The following FSTL4 variants were observed in gnomAD, a reference collection of about 807,000 sequenced individuals.
The protein encoded by FSTL4 is follistatin like 4, also known as follistatin-related protein 4.
FSTL4 carries 28 observed loss-of-function variants against 78.2 expected under a neutral mutation model. The observed-to-expected ratio is 0.36, with a 90% CI of 0.27 to 0.49. FSTL4 has a LOEUF of 0.49. Among genes scored for constraint, FSTL4 ranks in the 20% least tolerant of loss-of-function variants. FSTL4 has a pLI of 0.98. For missense variants in FSTL4, 922 were observed against 1,084.9 expected (o/e 0.85, Z 2.11); for synonymous variants, 422 against 440.5 (o/e 0.96, Z 0.53).
chr5:133,789,204 C>T, the FSTL4 span, among the ~76,000 whole-genome samples: 1 of 152,124 alleles, frequency 6.6e-6, no homozygotes, highest in Non-Finnish European at 1.5e-5. Context: ...GAAGGTTGGC[C>T]ATGTTACCAA....
chr5:133,328,893 C>T (rs182707174), intron 4 of FSTL4, among the ~76,000 whole-genome samples: 237 of 152,276 alleles, frequency 1.6e-3, no homozygotes, highest in African/African-American at 5.3e-3. Context: ...GGGAAAAGGC[C>T]GGCTGTGGAG....
chr5:133,462,746 T>C (rs183613765), intron 3 of FSTL4, among the ~76,000 whole-genome samples: 74 of 152,240 alleles, frequency 4.9e-4, no homozygotes, highest in African/African-American at 1.7e-3. Flanking sequence ...CGAAGGATGA[T>C]AGAGTGGAAG....
Position 133,400,897 on chromosome 5 carries a change from C to T in FSTL4, c.250G>A (p.Glu84Lys), listed in dbSNP as rs1341669590. ...GCCTCCAGGCACTGGCATTCGGGCT[C>T]CCCTGTCTTCCTGCTGAGCACGCAC... The part of the protein sequence containing the change: ...SRCVLSRKTG[E>K]PECQCLEACR... The change falls in exon 4 of 16, where the codon GAG (glutamate) becomes AAG (lysine). Residue 84 changes from glutamate (E) to lysine (K), a missense_variant. Physicochemically the swap from Glu to Lys is moderately conservative, Grantham distance 56. Coordinates refer to ENST00000265342, the MANE Select transcript of FSTL4 (RefSeq NM_015082.2). The T allele has an allele frequency of 3.1e-6, 5 of 1,613,844 alleles. No individual in the cohort carries two copies. The highest frequency in any genetic ancestry group is 4.2e-6 in the Non-Finnish European group (5 of 1,180,028).
At chr5:133,801,791 C>T in the FSTL4 span, among the ~76,000 whole-genome samples, 1 of 152,238 alleles carries the variant, frequency 6.6e-6, no homozygotes, top group African/African-American at 2.4e-5. Flanking sequence ...CCACTGAGGG[C>T]TCTAGTGGGA....
rs535332706 is a variant in FSTL4, at chr5:133,440,630, A to G, written c.161-39644T>C. On this transcript the variant is annotated intron_variant, in intron 3 of 15. Coordinates refer to ENST00000265342, the MANE Select transcript of FSTL4 (RefSeq NM_015082.2). The surrounding 1 kb of genome is among the most constrained non-coding windows in gnomAD (Gnocchi z 4.1). ...AGCTGGGTCACCTCCCTGGAGGCAC[A>G]GGGTAGTGGCCTGAGTCATTCCACT... is the stretch of plus-strand genomic sequence containing the variant. Among the ~76,000 whole-genome samples, 21 of 152,330 alleles carry G rather than the reference A, an allele frequency of 1.4e-4. No homozygotes were observed. Among genetic ancestry groups the G allele is most frequent in the African/African-American group, 5.1e-4 (21 of 41,580 alleles).
At chr5:133,702,953 G>A in the FSTL4 span, among the ~76,000 whole-genome samples, 4,937 of 152,310 alleles carry the variant, frequency 0.032, 281 homozygotes, top group African/African-American at 0.11. Flanking sequence ...GGAAGATGCT[G>A]TGGACAAGAC....
intron 12 of FSTL4, 125 bp downstream of exon 12, chr5:133,220,623 A>G: frequency 1.4e-6 from 1 of 692,046 alleles, no homozygotes; most frequent in Admixed American, 2.2e-5. Context: ...CTGGGAAAAA[A>G]TTTGGAACCA....
At chr5:133,683,065 A>G in the FSTL4 span, among the ~76,000 whole-genome samples, 1 of 152,226 alleles carries the variant, frequency 6.6e-6, no homozygotes, top group African/African-American at 2.4e-5. Context: ...AGAGAAGCAG[A>G]AAAAGAGATT....
intron 6 of FSTL4, among the ~76,000 whole-genome samples, chr5:133,265,927 C>T (rs967376983): frequency 2.2e-4 from 33 of 152,150 alleles, no homozygotes; most frequent in Admixed American, 1.8e-3. Context: ...AGCCTACCAC[C>T]CACACGATGG....
At chr5:133,707,230 C>T in the FSTL4 span, among the ~76,000 whole-genome samples, 6 of 152,272 alleles carry the variant, frequency 3.9e-5, no homozygotes, top group South Asian at 1.0e-3. Context: ...TTCATGGCCC[C>T]GTTCCTCCAG....
At chr5:133,258,648 G>A (rs1752440483) in intron 6 of FSTL4, among the ~76,000 whole-genome samples, 1 of 152,206 alleles carries the variant, frequency 6.6e-6, no homozygotes, top group Non-Finnish European at 1.5e-5. Context: ...TGCATTTGAT[G>A]AGAGTGAAGA....
chr5:133,399,575 C>T (rs1756164816), intron 4 of FSTL4, among the ~76,000 whole-genome samples: 1 of 152,226 alleles, frequency 6.6e-6, no homozygotes, highest in South Asian at 2.1e-4. Flanking sequence ...ATGAATCCGC[C>T]TCCGCTCAGG....
intron 3 of FSTL4, among the ~76,000 whole-genome samples, chr5:133,439,331 C>G (rs934193328): frequency 1.3e-5 from 2 of 152,042 alleles, no homozygotes; most frequent in Non-Finnish European, 2.9e-5. Flanking sequence ...TTGACATGAC[C>G]GGGCCCAAAC....
chr5:133,664,147 A>G, the FSTL4 span, among the ~76,000 whole-genome samples: 1 of 152,118 alleles, frequency 6.6e-6, no homozygotes, highest in East Asian at 1.9e-4. Context: ...GTTTCCAGAC[A>G]CTGGAAATAT....
the FSTL4 span, among the ~76,000 whole-genome samples, chr5:133,643,335 C>A: frequency 2.0e-5 from 3 of 152,264 alleles, no homozygotes; most frequent in African/African-American, 7.2e-5. Flanking sequence ...AAGTTTTTCA[C>A]GCTGTTATAA....
chr5:133,598,890 G>A (rs1760797407), intron 2 of FSTL4, among the ~76,000 whole-genome samples: 2 of 152,212 alleles, frequency 1.3e-5, no homozygotes, highest in Non-Finnish European at 2.9e-5. Context: ...TGAGGCTTAA[G>A]AAAATGCGAA....
At chr5:133,467,253 TGTGA>T (rs1024505422) in intron 3 of FSTL4, among the ~76,000 whole-genome samples, 13 of 137,940 alleles carry the variant, frequency 9.4e-5, no homozygotes, top group African/African-American at 2.5e-4. Flanking sequence ...AATGAGTATA[TGTGA>T]GTGTGTGTGT....
chr5:133,675,765 T>A, the FSTL4 span, among the ~76,000 whole-genome samples: 2 of 152,076 alleles, frequency 1.3e-5, no homozygotes, highest in Non-Finnish European at 2.9e-5. Context: ...ACACAAAAAA[T>A]GGGGGTTAAA....
At chr5:133,291,005 G>A (rs1057099782) in intron 6 of FSTL4, among the ~76,000 whole-genome samples, 1 of 152,212 alleles carries the variant, frequency 6.6e-6, no homozygotes, top group Admixed American at 6.5e-5. Flanking sequence ...TAGAGCCTCC[G>A]TCTCCGACTC....
Sources: gnomAD v4.1 joint callset for allele counts (sites outside exome capture counted in the v4.1 genomes callset) on GRCh38, gnomAD v4.1.1 for gene constraint, Gnocchi (gnomAD v3.1) non-coding constraint, MANE v1.5 for transcripts, NCBI Gene and HGNC (gene_info 2026-07-23, HGNC 2026-07-21) for gene names.